Variants in PDE7A observed in about 807,000 individuals in gnomAD.
The protein encoded by PDE7A is high affinity 3',5'-cyclic-AMP phosphodiesterase 7A.
Under a neutral mutation model 64.3 loss-of-function variants are expected in PDE7A, and 39 were observed. The ratio of observed to expected loss-of-function variants is 0.61; its 90% CI spans 0.47 to 0.79. The LOEUF is 0.79. PDE7A is among the 30% of genes least tolerant of loss of function. The pLI, the probability that PDE7A is intolerant of heterozygous loss-of-function variation, is 0.00. For synonymous variants in PDE7A, 203 were observed against 206.8 expected (o/e 0.98, Z 0.16); for missense variants, 470 against 582.8 (o/e 0.81, Z 1.99).
intron 1 of PDE7A, among the ~76,000 whole-genome samples, chr8:65,801,508 A>G (rs1283951282): frequency 6.6e-6 from 1 of 152,176 alleles, no homozygotes; most frequent in Non-Finnish European, 1.5e-5. Context: ...ACAAAAACTG[A>G]CAAAGCCAAG....
At position 65,723,523 on chromosome 8, in the gene PDE7A, C is replaced by T. The variant is rs1474461653; in HGVS notation, c.1243+18G>A. 2 of 1,501,770 alleles carry T rather than the reference C, an allele frequency of 1.3e-6. No individual in the cohort carries two copies. Among genetic ancestry groups the T allele is most frequent in the Non-Finnish European group, 1.8e-6 (2 of 1,126,686 alleles). The allele number at this position is 1,501,770 out of a possible 1,614,324, so 93.0% of individuals were successfully genotyped here. A position where few individuals can be genotyped will look rare whatever the true frequency, so the allele number is the denominator to read the frequency against. ...GTGGCATTTTTCTAACCAGCTATAT[C>T]TAAATATGTATAGTTACCAATCTGG... is the stretch of plus-strand genomic sequence containing the variant. On this transcript the variant is annotated intron_variant, in intron 12 of 12. Coordinates refer to ENST00000401827, the MANE Select transcript of PDE7A (RefSeq NM_001242318.3).
chr8:65,804,400 T>C (rs568267135), intron 1 of PDE7A, among the ~76,000 whole-genome samples: 4 of 152,200 alleles, frequency 2.6e-5, no homozygotes, highest in Admixed American at 2.6e-4. Context: ...AACTTTAACA[T>C]CTCTAAAACA....
Position 65,782,845 on chromosome 8 carries a change from TAG to T in PDE7A, c.139-4_139-3del. 6.4e-7 allele frequency: 1 copy of T among 1,557,972 alleles called. No individual in the cohort carries two copies. The highest frequency in any genetic ancestry group is 1.1e-5 in the South Asian group (1 of 88,226). On this transcript the variant is annotated splice_polypyrimidine_tract_variant and splice_region_variant and intron_variant, in intron 1 of 12. Transcript: ENST00000401827. ...GTCATAGGAAATAGCTCCACGCCTC[TAG>T]AAAAAAAAATACACATTATAATACA...
chr8:65,748,916 A>G (rs931231927), intron 3 of PDE7A, among the ~76,000 whole-genome samples: 8 of 152,232 alleles, frequency 5.3e-5, no homozygotes, highest in African/African-American at 1.9e-4. Flanking sequence ...AGTAATTATC[A>G]GAAATTCTGA....
chr8:65,828,564 A>G (rs887020238), intron 1 of PDE7A, among the ~76,000 whole-genome samples: 2 of 152,124 alleles, frequency 1.3e-5, no homozygotes, highest in South Asian at 2.1e-4. Context: ...CTGTATACAT[A>G]TATCTTAGCA....
intron 1 of PDE7A, among the ~76,000 whole-genome samples, chr8:65,817,112 T>C (rs1810426554): frequency 1.3e-5 from 2 of 152,256 alleles, no homozygotes; most frequent in South Asian, 2.1e-4. Context: ...AGTGAATTTT[T>C]AGTTTCAGAT....
chr8:65,750,498 G>C (rs1162772040), intron 3 of PDE7A, among the ~76,000 whole-genome samples: 4 of 144,398 alleles, frequency 2.8e-5, no homozygotes, highest in African/African-American at 1.1e-4. Context: ...GTGTGTGTGT[G>C]TGTGTCTGTG....
At chr8:65,761,013 C>T (rs541484969) in intron 3 of PDE7A, among the ~76,000 whole-genome samples, 1 of 152,238 alleles carries the variant, frequency 6.6e-6, no homozygotes, top group East Asian at 1.9e-4. Flanking sequence ...AAAAAGCTCA[C>T]CCTCTGGCTG....
chr8:65,716,149 A>C lies in PDE7A; in HGVS notation c.*3141T>G, dbSNP rs1806134146. Among the ~76,000 whole-genome samples, 1 of 95,552 alleles carries C rather than the reference A, an allele frequency of 1.0e-5. No individual in the cohort carries two copies. The highest frequency in any genetic ancestry group is 4.0e-5 in the African/African-American group (1 of 25,134). The allele number at this position is 95,552 out of a possible 152,430, so 62.7% of individuals were successfully genotyped here. ...CTAGTTAGCAGCGAGACCCTGTCTCAAAAAAAAAAAAAAACAAAAGGGCTA... is the reference window on the plus strand; with the variant it reads ...CTAGTTAGCAGCGAGACCCTGTCTCCAAAAAAAAAAAAAACAAAAGGGCTA... On this transcript the variant is annotated 3_prime_UTR_variant, in exon 13 of 13. Coordinates refer to ENST00000401827, the MANE Select transcript of PDE7A (RefSeq NM_001242318.3).
intron 3 of PDE7A, among the ~76,000 whole-genome samples, chr8:65,758,884 T>A (rs1808357804): frequency 6.6e-6 from 1 of 152,170 alleles, no homozygotes. Context: ...AGCATCAGTC[T>A]CACTTGCCAG....
At chr8:65,739,367 G>C in intron 6 of PDE7A, 135 bp downstream of exon 6, 1 of 977,038 alleles carries the variant, frequency 1.0e-6, no homozygotes, top group Non-Finnish European at 1.4e-6. Context: ...CTAAATAACT[G>C]TGTGTTGTTT....
intron 3 of PDE7A, among the ~76,000 whole-genome samples, chr8:65,759,316 T>A (rs75770786): frequency 6.6e-6 from 1 of 152,182 alleles, no homozygotes; most frequent in Non-Finnish European, 1.5e-5. Context: ...CAGATGCCAC[T>A]GGGGGAAACC....
chr8:65,724,452 A>C, intron 10 of PDE7A, 101 bp from the exon 11 acceptor site: 1 of 680,240 alleles, frequency 1.5e-6, no homozygotes, highest in South Asian at 2.3e-5. Context: ...AATATAAATA[A>C]ATAAGCCAGA....
chr8:65,819,079 G>A (rs1350697442), intron 1 of PDE7A, among the ~76,000 whole-genome samples: 3 of 152,190 alleles, frequency 2.0e-5, no homozygotes, highest in African/African-American at 7.2e-5. Context: ...TCAACCTCCA[G>A]AGCACTGAAA....
Position 65,726,925 on chromosome 8 carries a change from C to A in PDE7A, c.870G>T (p.Val290=). 1 of 1,609,250 alleles carries A rather than the reference C, an allele frequency of 6.2e-7. No individual in the cohort carries two copies. The highest frequency in any genetic ancestry group is 1.7e-5 in the Admixed American group (1 of 59,940). Residue 290 remains valine (V), a synonymous_variant, in exon 9 of 13, where the codon GTG becomes GTT. Transcript: ENST00000401827. Reference sequence around the variant, plus strand: ...ATAAGCCTGATTCTCTCAATAAGCCCACTGCAGATCTCCAGTGGTGATTTT... The same window carrying A: ...ATAAGCCTGATTCTCTCAATAAGCCAACTGCAGATCTCCAGTGGTGATTTT... The part of the protein sequence containing the change: ...VLENHHWRSA[V]GLLRESGLFS...
chr8:65,755,207 G>C (rs768339842), intron 3 of PDE7A, among the ~76,000 whole-genome samples: 31 of 151,774 alleles, frequency 2.0e-4, no homozygotes, highest in Middle Eastern at 3.2e-3. Flanking sequence ...CTTTAGTAGA[G>C]ATGGGTTTTC....
At chr8:65,839,283 T>C (rs1323560447) in intron 1 of PDE7A, among the ~76,000 whole-genome samples, 2 of 152,096 alleles carry the variant, frequency 1.3e-5, no homozygotes. Context: ...TTAAACTTTT[T>C]ATAACTTCTG....
At chr8:65,757,407 T>C (rs1808282774) in intron 3 of PDE7A, among the ~76,000 whole-genome samples, 1 of 152,160 alleles carries the variant, frequency 6.6e-6, no homozygotes, top group Admixed American at 6.5e-5. Context: ...ATATACATAA[T>C]TATTAATAAC....
chr8:65,755,775 C>A (rs1010178486), intron 3 of PDE7A, among the ~76,000 whole-genome samples: 2 of 152,164 alleles, frequency 1.3e-5, no homozygotes, highest in Admixed American at 1.3e-4. Context: ...TCATAAAGAA[C>A]TCCCTTTAGC....
Sources: gnomAD v4.1 joint callset for allele counts (sites outside exome capture counted in the v4.1 genomes callset) on GRCh38, gnomAD v4.1.1 for gene constraint, MANE v1.5 for transcripts, NCBI Gene and HGNC (gene_info 2026-07-23, HGNC 2026-07-21) for gene names.